The following CCDC137 variants were observed in gnomAD, a reference collection of about 807,000 sequenced individuals.
CCDC137 encodes coiled-coil domain-containing protein 137.
Under a neutral mutation model 30.4 loss-of-function variants are expected in CCDC137, and 24 were observed. The ratio of observed to expected loss-of-function variants is 0.79; its 90% CI spans 0.57 to 1.11. The LOEUF is 1.11. CCDC137 is among the 50% of genes least tolerant of loss of function. The pLI, the probability that CCDC137 is intolerant of heterozygous loss-of-function variation, is 0.00. For synonymous variants in CCDC137, 182 were observed against 155.7 expected (o/e 1.17, Z -1.26); for missense variants, 417 against 380.4 (o/e 1.10, Z -0.80).
chr17:81,666,975 C>G (rs905878738), intron 1 of CCDC137, 75 bp downstream of exon 1: 5 of 1,232,014 alleles, frequency 4.1e-6, no homozygotes, highest in Non-Finnish European at 4.1e-6. Flanking sequence ...CCCGGGACCC[C>G]CTAGGGAGCG....
chr17:81,667,893 A>C (rs2036664031), intron 2 of CCDC137, 31 bp downstream of exon 2: 1 of 1,604,566 alleles, frequency 6.2e-7, no homozygotes, highest in African/African-American at 1.3e-5. Context: ...GGCGGCAGTG[A>C]AGCTTTGTGT....
At chr17:81,667,641 CT>C in intron 1 of CCDC137, 87 bp from the exon 2 acceptor site, 1 of 1,516,538 alleles carries the variant, frequency 6.6e-7, no homozygotes, top group Non-Finnish European at 9.0e-7. Context: ...CGTGTAGATT[CT>C]ATTGCCAGAC....
At chr17:81,671,086 C>T (rs913185834) in intron 3 of CCDC137, among the ~76,000 whole-genome samples, 5 of 150,470 alleles carry the variant, frequency 3.3e-5, no homozygotes, top group Non-Finnish European at 7.4e-5. Flanking sequence ...GAGCTGAGAT[C>T]GTGCCGCTGC....
At chr17:81,667,092 C>G (rs1273336173) in intron 1 of CCDC137, 192 bp downstream of exon 1, 1 of 550,676 alleles carries the variant, frequency 1.8e-6, no homozygotes, top group Non-Finnish European at 2.7e-6. Flanking sequence ...CGAGCGAGTC[C>G]TTGGTTTTGC....
intron 2 of CCDC137, 189 bp from the exon 3 acceptor site, chr17:81,670,036 T>A: frequency 1.7e-6 from 1 of 593,320 alleles, no homozygotes; most frequent in Admixed American, 3.0e-5. Flanking sequence ...CAGGTGCCAT[T>A]GGGCTGGGGG....
In CCDC137 at chr17:81,673,066, C is replaced by T. The variant is rs1004655814; in HGVS notation, c.*362C>T. On this transcript the variant is annotated 3_prime_UTR_variant, in exon 6 of 6. Transcript: ENST00000329214. ...TGGCTCAGTGTGTGACGGAGGCCCCCGGGAGTCAGCAGAGCCGAGCGTACA... is the reference window on the plus strand; with the variant it reads ...TGGCTCAGTGTGTGACGGAGGCCCCTGGGAGTCAGCAGAGCCGAGCGTACA... 3.2e-5 allele frequency: 10 copies of T among 308,554 alleles called. No individual in the cohort carries two copies. The highest frequency in any genetic ancestry group is 8.6e-5 in the African/African-American group (4 of 46,686). 19.1% of individuals were successfully genotyped at this position (308,554 alleles called of 1,614,324 possible).
intron 4 of CCDC137, 117 bp from the exon 5 acceptor site, chr17:81,671,959 G>T: frequency 6.9e-7 from 1 of 1,450,094 alleles, no homozygotes; most frequent in East Asian, 2.3e-5. Flanking sequence ...TTAGACCACT[G>T]GATGAGTTGG....
In CCDC137 at chr17:81,671,907, G is replaced by A; in HGVS notation, c.580+81G>A. 3 of 1,526,272 alleles carry A rather than the reference G, an allele frequency of 2.0e-6. No homozygotes were observed. The South Asian group carries it at 3.4e-5, about 17-fold the overall frequency. 94.5% of individuals were successfully genotyped at this position (1,526,272 alleles called of 1,614,324 possible). A position where few individuals can be genotyped will look rare whatever the true frequency, so the allele number is the denominator to read the frequency against. On this transcript the variant is annotated intron_variant, in intron 4 of 5. Coordinates refer to ENST00000329214, the MANE Select transcript of CCDC137 (RefSeq NM_199287.3). ...GGCCTTCTGTTCCCCACCAGCCCTG[G>A]CTGCACTGGGCACCTGTGGTTTCCC...
chr17:81,672,655 G>A lies in CCDC137; in HGVS notation c.821G>A (p.Gly274Glu), dbSNP rs1178013908. 1 of 1,601,464 alleles carries A rather than the reference G, an allele frequency of 6.2e-7. No homozygotes were observed. Among genetic ancestry groups the A allele is most frequent in the Admixed American group, 1.7e-5 (1 of 58,392 alleles). Residue 274 changes from glycine to glutamate, a missense_variant, in exon 6 of 6, where the codon GGG becomes GAG. Coordinates refer to ENST00000329214, the MANE Select transcript of CCDC137 (RefSeq NM_199287.3). The stretch of plus-strand genomic sequence containing the variant: ...AAGCAGCGGCAGCAGCAGCTGCACG[G>A]GGAGCGACCCCACCTCACTTCCCGG... ...ALKQRQQQLH[G>E]ERPHLTSRKK...
chr17:81,672,752 G>A lies in CCDC137; in HGVS notation c.*48G>A. 1 of 1,487,150 alleles carries A rather than the reference G, an allele frequency of 6.7e-7. No individual in the cohort carries two copies. Among genetic ancestry groups the A allele is most frequent in the Non-Finnish European group, 9.0e-7 (1 of 1,107,272 alleles). The allele number at this position is 1,487,150 out of a possible 1,614,324, so 92.1% of individuals were successfully genotyped here. A position where few individuals can be genotyped will look rare whatever the true frequency, so the allele number is the denominator to read the frequency against. On this transcript the variant is annotated 3_prime_UTR_variant, in exon 6 of 6. Transcript: ENST00000329214. ...CCACGCTCTGGGGCAACTGGCACCA[G>A]GAGCTGCTACACCTGGGTAGGAGAG...
At chr17:81,672,050 T>G (rs1598734559) in intron 4 of CCDC137, 26 bp from the exon 5 acceptor site, 1 of 1,612,480 alleles carries the variant, frequency 6.2e-7, no homozygotes, top group Non-Finnish European at 8.5e-7. Flanking sequence ...TGGGCAGCAG[T>G]CCTCAGTTGT....
At chr17:81,670,945 G>C (rs904977679) in intron 3 of CCDC137, among the ~76,000 whole-genome samples, 1 of 151,966 alleles carries the variant, frequency 6.6e-6, no homozygotes, top group Non-Finnish European at 1.5e-5. Context: ...TAGCCAACAC[G>C]GTGAAACCTT....
chr17:81,668,009 A>T, intron 2 of CCDC137, 147 bp downstream of exon 2: 1 of 984,614 alleles, frequency 1.0e-6, no homozygotes. Context: ...AAGCTAAAGC[A>T]GTGGCTGGCA....
At chr17:81,669,403 C>T (rs1164211633) in intron 2 of CCDC137, among the ~76,000 whole-genome samples, 4 of 152,222 alleles carry the variant, frequency 2.6e-5, no homozygotes, top group African/African-American at 7.2e-5. Context: ...CCTCAGCCTC[C>T]CAAAGTGCTG....
rs2036751224 is a variant in CCDC137, at chr17:81,673,763, C to G, written c.*1059C>G. On this transcript the variant is annotated 3_prime_UTR_variant, in exon 6 of 6. Coordinates refer to ENST00000329214, the MANE Select transcript of CCDC137 (RefSeq NM_199287.3). Reference sequence around the variant, plus strand: ...AGGAGCACCTCTGCCTGGCCGCCACCCCGTCTGGCAAGTGAGGAGCGCCTC... The same window carrying G: ...AGGAGCACCTCTGCCTGGCCGCCACGCCGTCTGGCAAGTGAGGAGCGCCTC... 1 of 152,226 alleles carries G rather than the reference C, an allele frequency of 6.6e-6. No individual in the cohort carries two copies. The highest frequency in any genetic ancestry group is 1.5e-5 in the Non-Finnish European group (1 of 68,126). 9.4% of individuals were successfully genotyped at this position (152,226 alleles called of 1,614,324 possible).
chr17:81,667,936 G>A, intron 2 of CCDC137, 74 bp downstream of exon 2: 1 of 1,534,056 alleles, frequency 6.5e-7, no homozygotes. Flanking sequence ...AAATACTTCA[G>A]AACGTTTCAG....
chr17:81,667,107 C>A, intron 1 of CCDC137: 1 of 483,784 alleles, frequency 2.1e-6, no homozygotes, highest in Non-Finnish European at 3.3e-6. Context: ...TTTTGCCTTT[C>A]CCGCGTCCCA....
rs3088016 is a variant in CCDC137 at position 81,673,019 on chromosome 17, A to C, written c.*315A>C. 161,352 of 413,802 alleles carry C rather than the reference A, an allele frequency of 0.39. 32,342 individuals are homozygous for C. Among genetic ancestry groups the C allele is most frequent in the African/African-American group, 0.52 (25,704 of 49,714 alleles). 25.6% of individuals were successfully genotyped at this position (413,802 alleles called of 1,614,324 possible). On this transcript the variant is annotated 3_prime_UTR_variant, in exon 6 of 6. Coordinates refer to ENST00000329214, the MANE Select transcript of CCDC137 (RefSeq NM_199287.3). ...CTGGATCCCTGTCCCTGAACACCAA[A>C]TACCGAGACAGCTGATGAGGCTGGC...
intron 2 of CCDC137, among the ~76,000 whole-genome samples, chr17:81,668,457 G>A (rs747637721): frequency 6.6e-6 from 1 of 152,134 alleles, no homozygotes. Flanking sequence ...GTTGGGAAAC[G>A]GAGTCCACTG....
Sources: gnomAD v4.1 joint callset for allele counts (sites outside exome capture counted in the v4.1 genomes callset) on GRCh38, gnomAD v4.1.1 for gene constraint, MANE v1.5 for transcripts, NCBI Gene and HGNC (gene_info 2026-07-23, HGNC 2026-07-21) for gene names.